CIMAP3: variants seen among roughly 807,000 people sequenced by gnomAD.
CIMAP3 encodes the protein ciliary microtubule-associated protein 3.
the CIMAP3 span, chr1:111,351,543 G>A: frequency 1.6e-5 from 6 of 383,892 alleles, no homozygotes; most frequent in Non-Finnish European, 2.3e-5. Flanking sequence ...TGCATGTCTG[G>A]GTCTGTGGGT....
At chr1:111,328,665 G>A in the CIMAP3 span, among the ~76,000 whole-genome samples, 1 of 152,138 alleles carries the variant, frequency 6.6e-6, no homozygotes, top group South Asian at 2.1e-4. Context: ...AAATTAAGAG[G>A]CAACTCCTCC....
chr1:111,346,442 C>G, the CIMAP3 span: 1 of 605,666 alleles, frequency 1.7e-6, no homozygotes, highest in African/African-American at 1.9e-5. Context: ...ACCCTCTACC[C>G]GCAGCCCAGC....
At chr1:111,347,077 C>T in the CIMAP3 span, 1 of 1,561,518 alleles carries the variant, frequency 6.4e-7, no homozygotes, top group Non-Finnish European at 8.7e-7. Flanking sequence ...CTTAGATGCT[C>T]CTCAGTTCCC....
the CIMAP3 span, among the ~76,000 whole-genome samples, chr1:111,345,916 C>T: frequency 7.9e-3 from 1,197 of 152,212 alleles, 15 homozygotes; most frequent in African/African-American, 0.027. Flanking sequence ...GTTTTAATCC[C>T]GTCATCTTGA....
the CIMAP3 span, among the ~76,000 whole-genome samples, chr1:111,339,016 G>A: frequency 1.3e-5 from 2 of 152,070 alleles, no homozygotes; most frequent in Non-Finnish European, 2.9e-5. Flanking sequence ...ATGATCAAGT[G>A]GGCATCATCC....
At chr1:111,346,819 C>T in the CIMAP3 span, 1 of 1,579,882 alleles carries the variant, frequency 6.3e-7, no homozygotes, top group African/African-American at 1.3e-5. Flanking sequence ...GCCCTGTCCT[C>T]TGCTCAGTCT....
chr1:111,332,244 T>C, the CIMAP3 span, among the ~76,000 whole-genome samples: 1,204 of 152,282 alleles, frequency 7.9e-3, 15 homozygotes, highest in African/African-American at 0.027. Flanking sequence ...TCTTGGTTGG[T>C]CTGAGGATGT....
the CIMAP3 span, chr1:111,346,920 T>C: frequency 6.8e-6 from 11 of 1,613,910 alleles, no homozygotes; most frequent in African/African-American, 9.3e-5. Context: ...ACGCTGCGGA[T>C]AACTACCCTT....
At chr1:111,347,071 G>C in the CIMAP3 span, 2 of 1,583,060 alleles carry the variant, frequency 1.3e-6, no homozygotes, top group African/African-American at 2.7e-5. Flanking sequence ...CCTCCCCTTA[G>C]ATGCTCCTCA....
At chr1:111,332,356 C>G in the CIMAP3 span, among the ~76,000 whole-genome samples, 5 of 152,212 alleles carry the variant, frequency 3.3e-5, no homozygotes, top group Non-Finnish European at 7.3e-5. Flanking sequence ...TGTAGCCCAT[C>G]AGGCTGTTTC....
chr1:111,341,753 G>C, the CIMAP3 span, among the ~76,000 whole-genome samples: 1 of 152,176 alleles, frequency 6.6e-6, no homozygotes, highest in Non-Finnish European at 1.5e-5. Context: ...GGATGACTCT[G>C]AAGCAGCTTT....
the CIMAP3 span, among the ~76,000 whole-genome samples, chr1:111,345,173 G>A: frequency 6.6e-6 from 1 of 152,132 alleles, no homozygotes; most frequent in African/African-American, 2.4e-5. Flanking sequence ...TCATCACTAA[G>A]TAATGGGTGA....
At chr1:111,340,336 A>G in the CIMAP3 span, among the ~76,000 whole-genome samples, 4 of 151,958 alleles carry the variant, frequency 2.6e-5, no homozygotes, top group Non-Finnish European at 5.9e-5. Flanking sequence ...CAATGGCAAC[A>G]AAAGACAAAA....
chr1:111,347,071 G>A, the CIMAP3 span: 42 of 1,583,060 alleles, frequency 2.7e-5, no homozygotes, highest in Middle Eastern at 1.7e-4. Flanking sequence ...CCTCCCCTTA[G>A]ATGCTCCTCA....
chr1:111,341,454 G>A, the CIMAP3 span, among the ~76,000 whole-genome samples: 1 of 152,064 alleles, frequency 6.6e-6, no homozygotes, highest in Admixed American at 6.6e-5. Flanking sequence ...AGGAGAGGTA[G>A]CAAAAAAGAG....
chr1:111,335,421 G>A, the CIMAP3 span, among the ~76,000 whole-genome samples: 1 of 152,204 alleles, frequency 6.6e-6, no homozygotes, highest in Non-Finnish European at 1.5e-5. Context: ...GGAAGTGCAA[G>A]GGGTCAGGGA....
the CIMAP3 span, chr1:111,347,622 C>T: frequency 0.33 from 262,547 of 789,936 alleles, 35,107 homozygotes; most frequent in African/African-American, 0.6. Context: ...TTTTTTCTTT[C>T]TTTTTTTTTT....
the CIMAP3 span, among the ~76,000 whole-genome samples, chr1:111,344,751 T>C: frequency 6.6e-6 from 1 of 152,186 alleles, no homozygotes; most frequent in Non-Finnish European, 1.5e-5. Context: ...CTACAAATGT[T>C]AATATTACCT....
the CIMAP3 span, chr1:111,346,426 C>T: frequency 3.6e-6 from 2 of 549,650 alleles, no homozygotes; most frequent in Non-Finnish European, 6.4e-6. Flanking sequence ...GCCGCGAATC[C>T]AGGAAACCCT....
Sources: gnomAD v4.1 joint callset for allele counts (sites outside exome capture counted in the v4.1 genomes callset) on GRCh38, gnomAD v4.1.1 for gene constraint, MANE v1.5 for transcripts, NCBI Gene and HGNC (gene_info 2026-07-23, HGNC 2026-07-21) for gene names.